MGRN1: variants seen among roughly 807,000 people sequenced by gnomAD.
The protein encoded by MGRN1 is E3 ubiquitin-protein ligase MGRN1.
Under a neutral mutation model 69.2 loss-of-function variants are expected in MGRN1, and 29 were observed. The observed-to-expected ratio is 0.42, with a 90% confidence interval of 0.31 to 0.57. The LOEUF is 0.57. Ranked by LOEUF, MGRN1 falls within the 20% of genes least tolerant of loss-of-function variation. The pLI is 0.15. For synonymous variants in MGRN1, 470 were observed against 344.2 expected, an observed-to-expected ratio of 1.37 and a Z score of -4.04; for missense variants, 998 against 796.2, an observed-to-expected ratio of 1.25 and a Z score of -3.05.
chr16:4,681,881 G>C (rs976331352), intron 13 of MGRN1, 105 bp downstream of exon 13: 2 of 1,182,720 alleles, frequency 1.7e-6, no homozygotes, highest in African/African-American at 3.1e-5. Flanking sequence ...TCTGTGTGGC[G>C]ATTCCCCAGA....
At chr16:4,688,381 G>A (rs1371683765) in intron 16 of MGRN1, 5 of 1,003,380 alleles carry the variant, frequency 5.0e-6, no homozygotes, top group Non-Finnish European at 5.9e-6. Flanking sequence ...ACCCAGGGCC[G>A]CTCCCCACCC....
chr16:4,677,330 C>A, intron 10 of MGRN1, 133 bp from the exon 11 acceptor site: 1 of 483,982 alleles, frequency 2.1e-6, no homozygotes. Context: ...AAAAAAAGAC[C>A]GTTGTGATCT....
chr16:4,658,164 C>T (rs183365207), intron 5 of MGRN1, among the ~76,000 whole-genome samples: 1 of 152,142 alleles, frequency 6.6e-6, no homozygotes, highest in African/African-American at 2.4e-5. Context: ...CCTCCTTCCC[C>T]CTTTGCCTTG....
chr16:4,665,667 C>CTTTTT (rs35226786), intron 7 of MGRN1, among the ~76,000 whole-genome samples: 1 of 127,592 alleles, frequency 7.8e-6, no homozygotes, highest in Non-Finnish European at 1.6e-5. Context: ...CGTGCCCGGC[C>CTTTTT]TTTTTTTTTT....
chr16:4,650,167 G>A (rs1323815355), intron 1 of MGRN1, 198 bp from the exon 2 acceptor site: 5 of 491,912 alleles, frequency 1.0e-5, no homozygotes, highest in Non-Finnish European at 1.8e-5. Context: ...GCTGGGCGTG[G>A]TGGTGGGTGC....
chr16:4,644,679 A>G (rs1028798216), intron 1 of MGRN1, among the ~76,000 whole-genome samples: 4 of 152,234 alleles, frequency 2.6e-5, no homozygotes, highest in African/African-American at 7.2e-5. Context: ...TTATGTAACA[A>G]TAGCATCTAT....
chr16:4,687,530 A>T (rs1212367379), intron 16 of MGRN1: 11 of 961,084 alleles, frequency 1.1e-5, no homozygotes, highest in Non-Finnish European at 1.3e-5. Flanking sequence ...ATACACACAC[A>T]CCCACCCACC....
intron 5 of MGRN1, among the ~76,000 whole-genome samples, chr16:4,661,847 C>T (rs2078689087): frequency 6.6e-6 from 1 of 152,244 alleles, no homozygotes; most frequent in Non-Finnish European, 1.5e-5. Flanking sequence ...CAGCAGATGG[C>T]TGCCTGCCCA....
rs557670010 is a variant in MGRN1, at chr16:4,632,696, G to T, written c.88+7648G>T. The stretch of plus-strand genomic sequence containing the variant: ...GGCATGAGCCACCGTGCCGGGACCA[G>T]TGGTTTTTGGTATACTTGTGTTGTG... On this transcript the variant is annotated intron_variant, in intron 1 of 16. Transcript: ENST00000262370. 5.1e-4 allele frequency among the ~76,000 whole-genome samples: 77 copies of T among 152,252 alleles called. No homozygotes were observed. In the South Asian group the frequency reaches 0.016, roughly 31 times the overall value.
At chr16:4,643,594 C>A (rs865179) in intron 1 of MGRN1, among the ~76,000 whole-genome samples, 144,435 of 151,824 alleles carry the variant, frequency 0.95, 69,115 homozygotes, top group Non-Finnish European at 1. Context: ...GGATGGTCTC[C>A]ATCTCCTGAC....
intron 1 of MGRN1, among the ~76,000 whole-genome samples, chr16:4,648,191 T>C (rs111925845): frequency 0.061 from 9,311 of 151,534 alleles, 548 homozygotes; most frequent in African/African-American, 0.15. Flanking sequence ...CTGAGCATCC[T>C]TGAAATCCAC....
chr16:4,644,409 C>G (rs986784911), intron 1 of MGRN1, among the ~76,000 whole-genome samples: 4 of 150,106 alleles, frequency 2.7e-5, no homozygotes, highest in Admixed American at 2.0e-4. Flanking sequence ...CTCCCAGGTT[C>G]AAGCGATTTT....
In MGRN1 at chr16:4,674,576, C is replaced by T. The variant is rs562744798; in HGVS notation, c.955+919C>T. 1.6e-3 allele frequency among the ~76,000 whole-genome samples: 225 copies of T among 144,424 alleles called. 1 individual carries two copies. The highest frequency in any genetic ancestry group is 2.4e-3 in the Non-Finnish European group (160 of 66,886). The allele number at this position is 144,424 out of a possible 152,430, so 94.7% of individuals were successfully genotyped here. On this transcript the variant is annotated intron_variant, in intron 10 of 16. Coordinates refer to ENST00000262370, the MANE Select transcript of MGRN1 (RefSeq NM_015246.4). ...TGCTGGAATTACAAGCGTGAGCCAC[C>T]GCTTTTTTTTTTTTCTTTTCTTTTC...
rs1347682630 is a variant in MGRN1 at position 4,635,959 on chromosome 16, G to GTATTTTCTGTTTT, written c.88+10913_88+10925dup. Among the ~76,000 whole-genome samples the GTATTTTCTGTTTT allele has an allele frequency of 6.4e-5, 9 of 140,830 alleles. No individual in the cohort carries two copies. The East Asian group carries it at 1.4e-3, about 22-fold the overall frequency. 92.4% of individuals were successfully genotyped at this position (140,830 alleles called of 152,430 possible). On this transcript the variant is annotated intron_variant, in intron 1 of 16. Coordinates refer to ENST00000262370, the MANE Select transcript of MGRN1 (RefSeq NM_015246.4). The stretch of plus-strand genomic sequence containing the variant: ...CCGTGCCCGGCCTCAGCTAACTTTT[G>GTATTTTCTGTTTT]TATTTTCTGTTTTTTTTTTTTAAGT...
chr16:4,688,296 G>A, intron 16 of MGRN1: 8 of 986,738 alleles, frequency 8.1e-6, no homozygotes, highest in Non-Finnish European at 8.4e-6. Context: ...TCTGGGCATT[G>A]GGGCTCTGTG....
At chr16:4,668,333 T>G (rs763918690) in intron 8 of MGRN1, 21 bp downstream of exon 8, 1 of 1,612,974 alleles carries the variant, frequency 6.2e-7, no homozygotes, top group Non-Finnish European at 8.5e-7. Context: ...AGAGGAAATA[T>G]GACGTGCTTG....
At chr16:4,642,669 A>G (rs1430602782) in intron 1 of MGRN1, among the ~76,000 whole-genome samples, 1 of 152,046 alleles carries the variant, frequency 6.6e-6, no homozygotes, top group African/African-American at 2.4e-5. Context: ...CATGTTGGCC[A>G]GGCTGGTCTT....
intron 10 of MGRN1, among the ~76,000 whole-genome samples, chr16:4,676,666 G>A (rs768388638): frequency 6.6e-6 from 1 of 152,174 alleles, no homozygotes. Flanking sequence ...TGGTTTGGTG[G>A]TTTGGTGGTT....
intron 16 of MGRN1, chr16:4,687,369 A>AC (rs2079350465): frequency 7.5e-6 from 7 of 931,062 alleles, no homozygotes; most frequent in Non-Finnish European, 9.0e-6. Flanking sequence ...GAAAACATAG[A>AC]CCCCCTCTCT....
Sources: allele counts gnomAD v4.1 joint callset (sites outside exome capture counted in the v4.1 genomes callset), GRCh38; gene constraint gnomAD v4.1.1; transcripts MANE v1.5; gene names NCBI Gene and HGNC (gene_info 2026-07-23, HGNC 2026-07-21).